RNF2: variants seen among roughly 807,000 people sequenced by gnomAD.
The protein encoded by RNF2 is E3 ubiquitin-protein ligase RING2.
A neutral mutation model predicts 37.2 loss-of-function variants in RNF2; 6 were observed. The observed-to-expected ratio is 0.16, with a 90% CI of 0.09 to 0.32. The LOEUF is 0.32. Ranked by LOEUF, RNF2 falls within the 10% of genes least tolerant of loss-of-function variation. RNF2 has a pLI of 1.00. For synonymous variants in RNF2, 133 were observed against 132.7 expected (o/e 1.00, Z -0.02); for missense variants, 251 against 404.0 (o/e 0.62, Z 3.25).
chr1:185,077,901 A>G (rs1052844619), intron 1 of RNF2, among the ~76,000 whole-genome samples: 2 of 152,130 alleles, frequency 1.3e-5, no homozygotes, highest in Middle Eastern at 3.2e-3. Flanking sequence ...CTCTCACTAC[A>G]TATACCATAC....
At chr1:185,049,216 C>CA (rs1156841571) in intron 1 of RNF2, among the ~76,000 whole-genome samples, 4 of 151,548 alleles carry the variant, frequency 2.6e-5, no homozygotes, top group East Asian at 1.9e-4. Context: ...GACTCTGCCT[C>CA]AAAAAAAATC....
chr1:185,065,504 A>G (rs938346916), intron 1 of RNF2, among the ~76,000 whole-genome samples: 1 of 152,306 alleles, frequency 6.6e-6, no homozygotes, highest in Admixed American at 6.5e-5. Context: ...ACTCACCATC[A>G]GGGTCTGCAG....
chr1:185,077,820 T>G lies in RNF2; in HGVS notation c.-2-9732T>G, dbSNP rs529867610. ...TTTCTAATTTCTAATGCCTGATTCA[T>G]TGTTTTTTTTCAGTCATTATTGTTT... On this transcript the variant is annotated intron_variant, in intron 1 of 6. Coordinates refer to ENST00000367510, the MANE Select transcript of RNF2 (RefSeq NM_007212.4). Among the ~76,000 whole-genome samples, 115 of 152,116 alleles carry G rather than the reference T, an allele frequency of 7.6e-4. 1 individual carries two copies. The highest frequency in any genetic ancestry group is 3.1e-4 in the Non-Finnish European group (21 of 68,018).
intron 1 of RNF2, among the ~76,000 whole-genome samples, chr1:185,048,824 T>A (rs1250347595): frequency 6.6e-6 from 1 of 152,096 alleles, no homozygotes; most frequent in Non-Finnish European, 1.5e-5. Context: ...TACCAATAAG[T>A]TCAGCTAAGC....
chr1:185,081,323 G>A (rs1048211332), intron 1 of RNF2, among the ~76,000 whole-genome samples: 3 of 152,082 alleles, frequency 2.0e-5, no homozygotes, highest in African/African-American at 7.2e-5. Flanking sequence ...GATGCTTGAA[G>A]AAGTGGTAGT....
At chr1:185,092,805 T>C (rs1199972392) in intron 3 of RNF2, among the ~76,000 whole-genome samples, 2 of 152,104 alleles carry the variant, frequency 1.3e-5, no homozygotes, top group Non-Finnish European at 1.5e-5. Context: ...ATTTCTAAGA[T>C]GGTTATATAT....
intron 1 of RNF2, among the ~76,000 whole-genome samples, chr1:185,084,108 A>G (rs1022344217): frequency 6.6e-5 from 10 of 151,810 alleles, no homozygotes; most frequent in Non-Finnish European, 4.4e-5. Context: ...CACCCACCTA[A>G]TTTTTAATTT....
chr1:185,097,792 C>G (rs1484322169), intron 4 of RNF2, among the ~76,000 whole-genome samples: 1 of 152,232 alleles, frequency 6.6e-6, no homozygotes, highest in Non-Finnish European at 1.5e-5. Context: ...ATCTTGGCCT[C>G]TCAATGTGTT....
rs566036305 is a variant in RNF2 at position 185,101,533 on chromosome 1, T to C, written c.*1232T>C. On this transcript the variant is annotated 3_prime_UTR_variant, in exon 7 of 7. Coordinates refer to ENST00000367510, the MANE Select transcript of RNF2 (RefSeq NM_007212.4). ...TTGACAGATCAGAAATAAGATTGAC[T>C]TGGGTGTTATATTTCATCTCTCTCC... 6.6e-6 allele frequency: 1 copy of C among 152,534 alleles called. No individual in the cohort carries two copies. The highest frequency in any genetic ancestry group is 1.5e-5 in the Non-Finnish European group (1 of 67,978). 9.4% of individuals were successfully genotyped at this position (152,534 alleles called of 1,614,324 possible).
intron 1 of RNF2, chr1:185,046,406 T>A (rs775605187): frequency 2.6e-5 from 4 of 152,212 alleles, no homozygotes; most frequent in African/African-American, 4.8e-5. Flanking sequence ...GTACCCACTT[T>A]TGCCGGGAGC....
chr1:185,097,656 C>T (rs1651950363), intron 4 of RNF2, among the ~76,000 whole-genome samples: 1 of 152,206 alleles, frequency 6.6e-6, no homozygotes, highest in South Asian at 2.1e-4. Flanking sequence ...GTCTCAGCCT[C>T]CTGAGTAGCT....
intron 1 of RNF2, among the ~76,000 whole-genome samples, chr1:185,085,416 G>A (rs1195334339): frequency 6.6e-6 from 1 of 151,804 alleles, no homozygotes; most frequent in East Asian, 1.9e-4. Context: ...GATTACAAGC[G>A]TGAGCCACCG....
intron 1 of RNF2, among the ~76,000 whole-genome samples, chr1:185,069,636 T>G (rs1174537441): frequency 6.6e-6 from 1 of 152,166 alleles, no homozygotes; most frequent in Non-Finnish European, 1.5e-5. Flanking sequence ...CCCTATACTC[T>G]TAATCATCAG....
At chr1:185,067,246 T>C (rs1279519681) in intron 1 of RNF2, among the ~76,000 whole-genome samples, 1 of 152,232 alleles carries the variant, frequency 6.6e-6, no homozygotes, top group African/African-American at 2.4e-5. Flanking sequence ...CTTTAGAAGC[T>C]TACAGAAATT....
chr1:185,101,837 T>G lies in RNF2; in HGVS notation c.*1536T>G, dbSNP rs1449903232. The G allele has an allele frequency of 1.4e-5, 2 of 146,800 alleles. No individual in the cohort carries two copies. The highest frequency in any genetic ancestry group is 2.6e-5 in the African/African-American group (1 of 39,110). 9.1% of individuals were successfully genotyped at this position (146,800 alleles called of 1,614,324 possible). ...TTAAAATCTGTTTTTACAGGGTTTT[T>G]TTTTTTTTTTTTTTTTTGTAATCTG... On this transcript the variant is annotated 3_prime_UTR_variant, in exon 7 of 7. Transcript: ENST00000367510.
intron 1 of RNF2, among the ~76,000 whole-genome samples, chr1:185,085,139 CTTTT>C: frequency 8.6e-6 from 1 of 116,206 alleles, no homozygotes; most frequent in South Asian, 2.8e-4. Context: ...ACCCTTCTTT[CTTTT>C]TCTTTTTTTT....
intron 1 of RNF2, among the ~76,000 whole-genome samples, chr1:185,070,633 C>A (rs981699918): frequency 7.0e-6 from 1 of 142,112 alleles, no homozygotes; most frequent in Non-Finnish European, 1.5e-5. Context: ...GCAGTATTTT[C>A]TTTTCTTTTT....
At chr1:185,073,927 C>A (rs1161836185) in intron 1 of RNF2, among the ~76,000 whole-genome samples, 1 of 152,202 alleles carries the variant, frequency 6.6e-6, no homozygotes, top group Non-Finnish European at 1.5e-5. Flanking sequence ...ATTAAGGGAT[C>A]AGTCCCACAA....
chr1:185,076,428 C>T (rs1359845896), intron 1 of RNF2, among the ~76,000 whole-genome samples: 1 of 150,432 alleles, frequency 6.6e-6, no homozygotes, highest in Non-Finnish European at 1.5e-5. Flanking sequence ...GTAGCTGGGA[C>T]TACAGGCGCG....
Sources: gnomAD v4.1 joint callset for allele counts (sites outside exome capture counted in the v4.1 genomes callset) on GRCh38, gnomAD v4.1.1 for gene constraint, MANE v1.5 for transcripts, NCBI Gene and HGNC (gene_info 2026-07-23, HGNC 2026-07-21) for gene names.